ACO1: variants seen among roughly 807,000 people sequenced by gnomAD.
ACO1 encodes the protein aconitase 1.
In ACO1, 78 loss-of-function variants were observed where a neutral mutation model predicts 105.1. That is an observed-to-expected ratio of 0.74 (90% CI 0.62 to 0.90). The LOEUF is 0.90. Among genes scored for constraint, ACO1 ranks in the 40% least tolerant of loss-of-function variants. The pLI, the probability that ACO1 is intolerant of heterozygous loss-of-function variation, is 0.00. For missense variants in ACO1, 965 were observed against 1,111.1 expected, an observed-to-expected ratio of 0.87 and a Z score of 1.87; for synonymous variants, 364 against 397.4, an observed-to-expected ratio of 0.92 and a Z score of 1.00.
chr9:32,429,591 A>T lies in ACO1; in HGVS notation c.1569+88A>T, dbSNP rs1822180653. 5 of 1,157,984 alleles carry T rather than the reference A, an allele frequency of 4.3e-6. No homozygotes were observed. In the Middle Eastern group the frequency reaches 7.8e-4, roughly 180 times the overall value. 71.7% of individuals were successfully genotyped at this position (1,157,984 alleles called of 1,614,324 possible). The stretch of plus-strand genomic sequence containing the variant: ...AATGCTGATATTTTCAAGAAGGTCC[A>T]TGGAAGCAGGGGATGTGGTTTAGAG... On this transcript the variant is annotated intron_variant, in intron 13 of 20. Coordinates refer to ENST00000309951, the MANE Select transcript of ACO1 (RefSeq NM_002197.3).
At chr9:32,406,376 C>T (rs1049785745) in intron 2 of ACO1, among the ~76,000 whole-genome samples, 4 of 152,220 alleles carry the variant, frequency 2.6e-5, no homozygotes, top group African/African-American at 7.2e-5. Context: ...AATCCCTGCA[C>T]TTCGGGAGGC....
intron 4 of ACO1, 145 bp from the exon 5 acceptor site, chr9:32,417,983 C>A: frequency 2.9e-6 from 2 of 698,418 alleles, no homozygotes; most frequent in Non-Finnish European, 4.8e-6. Flanking sequence ...TCCTATTCTG[C>A]ATTGTAAATA....
rs1230091268 is a variant in ACO1 at position 32,453,138 on chromosome 9, G to A, written c.*3027G>A. On this transcript the variant is annotated 3_prime_UTR_variant, in exon 21 of 21. Transcript: ENST00000309951. Reference sequence around the variant, plus strand: ...ATTCTTTGCGAATGAAGATTCCCCTGTTTGTTTGGATAGTTTTCCAAATTC... The same window carrying A: ...ATTCTTTGCGAATGAAGATTCCCCTATTTGTTTGGATAGTTTTCCAAATTC... 5.2e-5 allele frequency: 5 copies of A among 95,474 alleles called. No individual in the cohort carries two copies. The highest frequency in any genetic ancestry group is 7.1e-5 in the Non-Finnish European group (3 of 41,992). The allele number at this position is 95,474 out of a possible 1,614,324, so 5.9% of individuals were successfully genotyped here.
intron 1 of ACO1, among the ~76,000 whole-genome samples, chr9:32,396,165 G>T (rs1048355898): frequency 6.6e-6 from 1 of 152,220 alleles, no homozygotes; most frequent in Non-Finnish European, 1.5e-5. Context: ...CAGGAAGTAA[G>T]TACTTTTCAA....
chr9:32,401,900 T>G (rs1229489085), intron 1 of ACO1, among the ~76,000 whole-genome samples: 2 of 152,216 alleles, frequency 1.3e-5, no homozygotes, highest in Non-Finnish European at 2.9e-5. Flanking sequence ...CCTGTACAAG[T>G]CACCCAGCTA....
At chr9:32,423,470 G>T (rs747514703) in intron 9 of ACO1, 51 bp downstream of exon 9, 7 of 1,244,986 alleles carry the variant, frequency 5.6e-6, no homozygotes, top group Non-Finnish European at 8.0e-6. Context: ...TCAAGGCTGC[G>T]ATTTTAGTGG....
chr9:32,445,581 T>G (rs1049499599), intron 19 of ACO1: 1 of 309,276 alleles, frequency 3.2e-6, no homozygotes, highest in African/African-American at 2.3e-5. Context: ...ATTGATTTGA[T>G]TTTTTGAACA....
chr9:32,418,634 G>C, intron 6 of ACO1, 123 bp downstream of exon 6: 1 of 1,129,108 alleles, frequency 8.9e-7, no homozygotes, highest in Non-Finnish European at 1.3e-6. Flanking sequence ...TGTCAGTTTT[G>C]TCACTGCTGT....
At chr9:32,446,946 T>C (rs1822623318) in intron 19 of ACO1, among the ~76,000 whole-genome samples, 2 of 152,230 alleles carry the variant, frequency 1.3e-5, no homozygotes, top group Admixed American at 6.5e-5. Flanking sequence ...TGTAGAGAGA[T>C]CCATTGTTAG....
chr9:32,442,060 T>C (rs563859151), intron 19 of ACO1, among the ~76,000 whole-genome samples: 1 of 152,220 alleles, frequency 6.6e-6, no homozygotes, highest in South Asian at 2.1e-4. Flanking sequence ...TAGCAGTGCG[T>C]CTCAAGTTTG....
At chr9:32,413,267 C>T (rs530979737) in intron 4 of ACO1, among the ~76,000 whole-genome samples, 2 of 152,104 alleles carry the variant, frequency 1.3e-5, no homozygotes, top group African/African-American at 2.4e-5. Flanking sequence ...AGGTGGATCA[C>T]GAGGTCAGGA....
chr9:32,417,183 A>C (rs1180251885), intron 4 of ACO1, among the ~76,000 whole-genome samples: 1 of 152,206 alleles, frequency 6.6e-6, no homozygotes, highest in Non-Finnish European at 1.5e-5. Context: ...CACTTGAAAA[A>C]TGTGGCTATT....
At chr9:32,441,510 A>G (rs1822479234) in intron 19 of ACO1, among the ~76,000 whole-genome samples, 2 of 152,162 alleles carry the variant, frequency 1.3e-5, no homozygotes, top group South Asian at 4.1e-4. Context: ...TGAACATCAC[A>G]CCTATTATTT....
intron 17 of ACO1, among the ~76,000 whole-genome samples, chr9:32,435,002 A>G (rs1269290981): frequency 6.6e-6 from 1 of 152,142 alleles, no homozygotes; most frequent in African/African-American, 2.4e-5. Context: ...TTAAAGTACA[A>G]GGCTCTGCTC....
intron 1 of ACO1, among the ~76,000 whole-genome samples, chr9:32,395,344 T>C (rs1821350983): frequency 6.6e-6 from 1 of 152,058 alleles, no homozygotes; most frequent in African/African-American, 2.4e-5. Flanking sequence ...GGCGTGGTGG[T>C]GGGCACCTGT....
chr9:32,433,600 T>C, intron 15 of ACO1, 128 bp from the exon 16 acceptor site: 2 of 660,816 alleles, frequency 3.0e-6, no homozygotes, highest in Non-Finnish European at 5.1e-6. Context: ...GGAACTCTTG[T>C]ATGTGGCTAT....
chr9:32,430,655 G>T (rs1013007638), intron 14 of ACO1, 81 bp downstream of exon 14: 2 of 1,440,460 alleles, frequency 1.4e-6, no homozygotes, highest in Admixed American at 4.5e-5. Flanking sequence ...TCCTTAATAA[G>T]AAATGAAGCA....
chr9:32,446,035 T>C (rs940683585), intron 19 of ACO1, among the ~76,000 whole-genome samples: 3 of 152,176 alleles, frequency 2.0e-5, no homozygotes, highest in Admixed American at 6.5e-5. Flanking sequence ...TCCAATTATG[T>C]GGTCAGTGTT....
chr9:32,445,549 C>CA (rs1486690692), intron 19 of ACO1: 2 of 262,194 alleles, frequency 7.6e-6, no homozygotes, highest in South Asian at 3.3e-5. Flanking sequence ...TTGATCTTTT[C>CA]AAAAAACCAG....
Sources: allele counts gnomAD v4.1 joint callset (sites outside exome capture counted in the v4.1 genomes callset), GRCh38; gene constraint gnomAD v4.1.1; transcripts MANE v1.5; gene names NCBI Gene and HGNC (gene_info 2026-07-23, HGNC 2026-07-21).